The following SOX5 variants were observed in gnomAD, a reference collection of about 807,000 sequenced individuals.
SOX5 encodes SRY-box transcription factor 5.
A neutral mutation model predicts 92.0 loss-of-function variants in SOX5; 9 were observed. The observed-to-expected ratio is 0.10, with a 90% CI of 0.06 to 0.17. SOX5 has a LOEUF of 0.17. SOX5 is among the 10% of genes least tolerant of loss of function. The pLI is 1.00. For synonymous variants in SOX5, 344 were observed against 336.3 expected, an observed-to-expected ratio of 1.02 and a Z score of -0.25; for missense variants, 642 against 944.5, an observed-to-expected ratio of 0.68 and a Z score of 4.20.
intron 4 of SOX5, among the ~76,000 whole-genome samples, chr12:24,152,994 T>G (rs1183067226): frequency 1.3e-5 from 2 of 151,676 alleles, no homozygotes; most frequent in Admixed American, 6.6e-5. Context: ...AGTTAAATGG[T>G]GTAAAGTGTT....
intron 1 of SOX5, among the ~76,000 whole-genome samples, chr12:24,387,250 G>GT (rs999006780): frequency 6.6e-6 from 1 of 152,140 alleles, no homozygotes; most frequent in African/African-American, 2.4e-5. Flanking sequence ...TCACATATCA[G>GT]TTTCATCCTA....
intron 6 of SOX5, 98 bp downstream of exon 6, chr12:23,734,586 A>C: frequency 1.1e-6 from 1 of 898,786 alleles, no homozygotes; most frequent in Admixed American, 2.4e-5. Flanking sequence ...CTTGAAAGTC[A>C]TTTTTATTTT....
At chr12:24,241,502 A>G (rs1174696176) in intron 3 of SOX5, among the ~76,000 whole-genome samples, 1 of 152,212 alleles carries the variant, frequency 6.6e-6, no homozygotes, top group Non-Finnish European at 1.5e-5. Context: ...GTTCACACCC[A>G]GAGAATATAT....
chr12:24,399,647 A>C (rs978784762), intron 1 of SOX5, among the ~76,000 whole-genome samples: 3 of 152,210 alleles, frequency 2.0e-5, no homozygotes, highest in Non-Finnish European at 4.4e-5. Context: ...AGAAGAACGC[A>C]CATATAAGTC....
In SOX5 at chr12:24,422,865, C is replaced by T. The variant is rs1316338630; in HGVS notation, c.-250-54226G>A. ...ATTCCTACAAAAAAATTAAAAATTA[C>T]CCAAGTGTGATGGCACATGCCTGTA... On this transcript the variant is annotated intron_variant, in intron 1 of 4. Coordinates refer to the SOX5 transcript ENST00000446891. Among the ~76,000 whole-genome samples, 5 of 152,204 alleles carry T rather than the reference C, an allele frequency of 3.3e-5. No homozygotes were observed. In the East Asian group the frequency reaches 7.8e-4, roughly 24 times the overall value.
chr12:23,624,942 C>T (rs943782172), intron 8 of SOX5, among the ~76,000 whole-genome samples: 4 of 152,118 alleles, frequency 2.6e-5, no homozygotes, highest in Non-Finnish European at 4.4e-5. Context: ...GAATTTGCTA[C>T]CATTTTAGAT....
At chr12:23,664,714 G>A (rs558339851) in intron 7 of SOX5, among the ~76,000 whole-genome samples, 55 of 152,198 alleles carry the variant, frequency 3.6e-4, no homozygotes, top group African/African-American at 1.3e-3. Flanking sequence ...AGTATATCAC[G>A]TAGCTCCAAA....
chr12:23,835,489 G>A (rs528225484), intron 3 of SOX5, among the ~76,000 whole-genome samples: 22 of 151,234 alleles, frequency 1.5e-4, no homozygotes, highest in Admixed American at 7.9e-4. Context: ...CAATTATTTC[G>A]CCCTCAGACA....
chr12:23,843,925 T>C (rs1406152868), intron 3 of SOX5, among the ~76,000 whole-genome samples: 1 of 152,194 alleles, frequency 6.6e-6, no homozygotes, highest in Non-Finnish European at 1.5e-5. Context: ...ACTATAATTC[T>C]AAATGAAATA....
At chr12:23,592,649 A>AAT (rs1951732301) in intron 9 of SOX5, among the ~76,000 whole-genome samples, 1 of 152,224 alleles carries the variant, frequency 6.6e-6, no homozygotes, top group South Asian at 2.1e-4. Flanking sequence ...GTTTCTTAGC[A>AAT]ATATTCAATA....
chr12:24,272,124 G>A (rs1395826943), intron 3 of SOX5, among the ~76,000 whole-genome samples: 1 of 152,002 alleles, frequency 6.6e-6, no homozygotes, highest in Non-Finnish European at 1.5e-5. Context: ...CATGAATATG[G>A]TATATCTCAT....
At chr12:23,838,076 T>A (rs1357003513) in intron 3 of SOX5, among the ~76,000 whole-genome samples, 2 of 136,094 alleles carry the variant, frequency 1.5e-5, no homozygotes, top group Non-Finnish European at 3.1e-5. Flanking sequence ...ATATTATATT[T>A]ATATTTATAT....
intron 6 of SOX5, among the ~76,000 whole-genome samples, chr12:23,693,135 GT>G (rs1168765753): frequency 5.3e-5 from 8 of 151,778 alleles, no homozygotes; most frequent in Non-Finnish European, 8.8e-5. Context: ...TGTTGTTGTT[GT>G]TGTTGAGACA....
intron 4 of SOX5, among the ~76,000 whole-genome samples, chr12:23,754,508 T>G (rs1227245312): frequency 6.6e-6 from 1 of 151,856 alleles, no homozygotes; most frequent in Non-Finnish European, 1.5e-5. Flanking sequence ...GTTACTGAAT[T>G]TGTTGATTAG....
chr12:23,648,257 C>T (rs1385602962), intron 7 of SOX5, among the ~76,000 whole-genome samples: 4 of 152,150 alleles, frequency 2.6e-5, no homozygotes, highest in African/African-American at 7.2e-5. Context: ...TTGCTCTATG[C>T]AGAATTGCTA....
intron 4 of SOX5, among the ~76,000 whole-genome samples, chr12:23,973,287 T>C (rs1377932907): frequency 6.6e-6 from 1 of 151,124 alleles, no homozygotes; most frequent in Non-Finnish European, 1.5e-5. Flanking sequence ...CAGCCTCCCT[T>C]GTAACTGGGA....
chr12:23,947,238 G>T (rs1944734363), intron 1 of SOX5, among the ~76,000 whole-genome samples: 2 of 151,812 alleles, frequency 1.3e-5, no homozygotes, highest in African/African-American at 4.8e-5. Context: ...TCTTCTTTTA[G>T]ATTTCTAAGT....
At chr12:24,449,734 GAAGT>G (rs939768978) in intron 1 of SOX5, among the ~76,000 whole-genome samples, 1 of 152,110 alleles carries the variant, frequency 6.6e-6, no homozygotes, top group African/African-American at 2.4e-5. Flanking sequence ...TCTAACTTTT[GAAGT>G]AATAAGAACC....
chr12:24,421,359 G>C (rs1253173396), intron 1 of SOX5, among the ~76,000 whole-genome samples: 1 of 152,084 alleles, frequency 6.6e-6, no homozygotes, highest in Non-Finnish European at 1.5e-5. Context: ...AAAAAAAGTA[G>C]GATGGTATGT....
Sources: allele counts gnomAD v4.1 joint callset (sites outside exome capture counted in the v4.1 genomes callset), GRCh38; gene constraint gnomAD v4.1.1; transcripts MANE v1.5; gene names NCBI Gene and HGNC (gene_info 2026-07-23, HGNC 2026-07-21).